The following COG3 variants were observed in gnomAD, a reference collection of about 807,000 sequenced individuals.
COG3 encodes the protein conserved oligomeric Golgi complex subunit 3.
In COG3, 32 loss-of-function variants were observed where a neutral mutation model predicts 114.1. The ratio of observed to expected loss-of-function variants is 0.28; its 90% confidence interval spans 0.21 to 0.38. COG3 has a LOEUF of 0.38. Ranked by LOEUF, COG3 falls within the 10% of genes least tolerant of loss-of-function variation. COG3 has a pLI of 1.00. For synonymous variants in COG3, 352 were observed against 365.7 expected (o/e 0.96, Z 0.43); for missense variants, 813 against 973.2 (o/e 0.84, Z 2.19).
At chr13:45,481,964 T>C (rs751909562) in intron 5 of COG3, among the ~76,000 whole-genome samples, 12 of 152,188 alleles carry the variant, frequency 7.9e-5, no homozygotes, top group Middle Eastern at 3.2e-3. Context: ...TTTACTTTCA[T>C]AGTATGACTG....
chr13:45,520,363 C>T (rs566814387), intron 19 of COG3, among the ~76,000 whole-genome samples: 14 of 151,452 alleles, frequency 9.2e-5, no homozygotes, highest in South Asian at 2.1e-4. Context: ...TTTATTAAGC[C>T]GCTACTGTTT....
intron 14 of COG3, among the ~76,000 whole-genome samples, chr13:45,507,180 T>A (rs1870249434): frequency 6.6e-6 from 1 of 152,244 alleles, no homozygotes; most frequent in Admixed American, 6.5e-5. Context: ...TTTGTTTGAC[T>A]AAACTTTTAT....
chr13:45,490,966 C>A lies in COG3; in HGVS notation c.968+8C>A. 1 of 1,566,676 alleles carries A rather than the reference C, an allele frequency of 6.4e-7. No individual in the cohort carries two copies. Among genetic ancestry groups the A allele is most frequent in the Non-Finnish European group, 8.8e-7 (1 of 1,140,844 alleles). On this transcript the variant is annotated splice_region_variant and intron_variant, in intron 9 of 22. Coordinates refer to ENST00000349995, the MANE Select transcript of COG3 (RefSeq NM_031431.4). ...GTCTGAAAAAATACCTGAGTGAGTA[C>A]CTAGAAGTTAATCTGATTTCCACAT...
At chr13:45,492,890 G>A (rs577640833) in intron 11 of COG3, among the ~76,000 whole-genome samples, 4 of 152,224 alleles carry the variant, frequency 2.6e-5, no homozygotes, top group South Asian at 2.1e-4. Context: ...AATACTTGGC[G>A]TATGACCAAA....
intron 1 of COG3, among the ~76,000 whole-genome samples, chr13:45,474,946 A>AGTCT (rs34663037): frequency 0.9 from 135,976 of 151,906 alleles, 60,982 homozygotes; most frequent in African/African-American, 0.92. Flanking sequence ...GTCTAAAAAC[A>AGTCT]GTCTGTATGT....
At position 45,480,230 on chromosome 13, in the gene COG3, T is replaced by C. The variant is rs1216367721; in HGVS notation, c.489T>C (p.Leu163=). Residue 163 remains leucine (L), a synonymous_variant, in exon 4 of 23, where the codon CTT becomes CTC. Coordinates refer to ENST00000349995, the MANE Select transcript of COG3 (RefSeq NM_031431.4). Reference sequence around the variant, plus strand: ...TGGAGTCTTTGCAGAAACAGTATCTTTTTGTGTCCAATAAGACAGGAACCC... The same window carrying C: ...TGGAGTCTTTGCAGAAACAGTATCTCTTTGTGTCCAATAAGACAGGAACCC... ...QHLESLQKQY[L]FVSNKTGTLH... is the part of the protein sequence containing the mutation. 6.2e-7 allele frequency: 1 copy of C among 1,613,986 alleles called. No individual in the cohort carries two copies. The highest frequency in any genetic ancestry group is 2.2e-5 in the East Asian group (1 of 44,862).
chr13:45,491,787 G>A (rs1187279578), intron 10 of COG3, among the ~76,000 whole-genome samples: 1 of 152,204 alleles, frequency 6.6e-6, no homozygotes, highest in African/African-American at 2.4e-5. Context: ...AGATTTCAAA[G>A]TTTGTAGATT....
chr13:45,484,322 A>G (rs1181196403), intron 7 of COG3, among the ~76,000 whole-genome samples: 1 of 152,166 alleles, frequency 6.6e-6, no homozygotes, highest in South Asian at 2.1e-4. Flanking sequence ...GTGCTTTGCT[A>G]TTGAGCTGCA....
At chr13:45,530,810 T>G (rs1873107898) in intron 22 of COG3, 30 bp downstream of exon 22, 10 of 1,598,548 alleles carry the variant, frequency 6.3e-6, no homozygotes, top group Non-Finnish European at 8.6e-6. Flanking sequence ...TCCTTATTAC[T>G]TTTATGCCCT....
intron 1 of COG3, among the ~76,000 whole-genome samples, chr13:45,470,736 G>C (rs1024965733): frequency 2.0e-5 from 3 of 152,216 alleles, no homozygotes; most frequent in African/African-American, 7.2e-5. Context: ...TTGAATTACA[G>C]ATGGATATGG....
intron 15 of COG3, among the ~76,000 whole-genome samples, chr13:45,510,435 C>G (rs796107163): frequency 3.9e-5 from 6 of 152,278 alleles, no homozygotes; most frequent in African/African-American, 1.4e-4. Context: ...GAGATCTCTT[C>G]CAGAGAGAGG....
chr13:45,494,864 C>CTTT (rs56330728), intron 12 of COG3, among the ~76,000 whole-genome samples: 13 of 131,774 alleles, frequency 9.9e-5, no homozygotes, highest in East Asian at 2.2e-4. Flanking sequence ...TTTCTCTTTT[C>CTTT]TTTTTTTTTT....
At position 45,486,340 on chromosome 13, in the gene COG3, G is replaced by GGGAGACGGGAGACGGGAGAC. The variant is rs771972555; in HGVS notation, c.844-150_844-149insCGGGAGACGGGAGACGGAGA. On this transcript the variant is annotated intron_variant, in intron 7 of 22. Coordinates refer to ENST00000349995, the MANE Select transcript of COG3 (RefSeq NM_031431.4). ...AGACGGGAGACGGGAGACGGGAGAC[G>GGGAGACGGGAGACGGGAGAC]GGAGAGGGAGAGGGAGAGGGAGAGG... Among the ~76,000 whole-genome samples, 17 of 5,126 alleles carry GGGAGACGGGAGACGGGAGAC rather than the reference G, an allele frequency of 3.3e-3. 4 individuals carry two copies. In the South Asian group the frequency reaches 0.083, roughly 25 times the overall value. 3.4% of individuals were successfully genotyped at this position (5,126 alleles called of 152,430 possible). A position where few individuals can be genotyped will look rare whatever the true frequency, so the allele number is the denominator to read the frequency against.
At chr13:45,478,568 A>C (rs570186551) in intron 2 of COG3, among the ~76,000 whole-genome samples, 2 of 151,204 alleles carry the variant, frequency 1.3e-5, no homozygotes, top group Non-Finnish European at 2.9e-5. Flanking sequence ...GGCTCACTGC[A>C]ACCTCTGCCT....
At chr13:45,534,046 A>C (rs1873387565) in intron 22 of COG3, among the ~76,000 whole-genome samples, 1 of 152,220 alleles carries the variant, frequency 6.6e-6, no homozygotes, top group Non-Finnish European at 1.5e-5. Context: ...TTTCCCTCCT[A>C]TCACTACTGT....
chr13:45,534,816 C>A lies in COG3; in HGVS notation c.*85C>A, dbSNP rs1405379334. 1 of 1,424,562 alleles carries A rather than the reference C, an allele frequency of 7.0e-7. No individual in the cohort carries two copies. The highest frequency in any genetic ancestry group is 2.9e-5 in the Admixed American group (1 of 34,476). 88.2% of individuals were successfully genotyped at this position (1,424,562 alleles called of 1,614,324 possible). A position where few individuals can be genotyped will look rare whatever the true frequency, so the allele number is the denominator to read the frequency against. ...TGCAGTCTGCAGGACACCGAGGAAT[C>A]GTATGTGGGAACGTCCCCGAGAACC... is the stretch of plus-strand genomic sequence containing the variant. On this transcript the variant is annotated 3_prime_UTR_variant, in exon 23 of 23. Transcript: ENST00000349995.
chr13:45,467,197 A>G (rs1885192231), intron 1 of COG3, among the ~76,000 whole-genome samples: 1 of 152,230 alleles, frequency 6.6e-6, no homozygotes, highest in African/African-American at 2.4e-5. Context: ...GCTGGAAGAA[A>G]GAACAGCATA....
chr13:45,496,393 A>G (rs1868779107), intron 13 of COG3, 81 bp downstream of exon 13: 2 of 1,084,854 alleles, frequency 1.8e-6, no homozygotes, highest in Non-Finnish European at 2.3e-6. Context: ...AAAAATTTAT[A>G]TATTAAAATA....
chr13:45,466,731 A>C (rs1018616460), intron 1 of COG3: 4 of 152,196 alleles, frequency 2.6e-5, no homozygotes, highest in Admixed American at 2.6e-4. Flanking sequence ...TCTACAAAAA[A>C]ATTTGTTTTC....
Sources: gnomAD v4.1 joint callset for allele counts (sites outside exome capture counted in the v4.1 genomes callset) on GRCh38, gnomAD v4.1.1 for gene constraint, MANE v1.5 for transcripts, NCBI Gene and HGNC (gene_info 2026-07-23, HGNC 2026-07-21) for gene names.